PRKN: variants seen among roughly 807,000 people sequenced by gnomAD.
PRKN encodes parkin RBR E3 ubiquitin protein ligase, also known as E3 ubiquitin-protein ligase parkin.
In PRKN, 56 loss-of-function variants were observed where a neutral mutation model predicts 59.5. That is an observed-to-expected ratio of 0.94 (90% confidence interval 0.76 to 1.18). PRKN has a LOEUF of 1.18. PRKN is among the 50% of genes most tolerant of loss of function. PRKN has a pLI of 0.00. For synonymous variants in PRKN, 250 were observed against 222.1 expected, an observed-to-expected ratio of 1.13 and a Z score of -1.12; for missense variants, 657 against 596.4, an observed-to-expected ratio of 1.10 and a Z score of -1.06.
rs765640122 is a variant in PRKN, at chr6:162,201,194, C to T, written c.471G>A (p.Val157=). The change falls in exon 4 of 12, where the codon GTG becomes GTA. Residue 157 remains valine (V), a synonymous_variant. Coordinates refer to ENST00000366898, the MANE Select transcript of PRKN (RefSeq NM_004562.3). ...YVYCKGPCQR[V]QPGKLRVQCS... ...ACTGTACCCTGAGTTTTCCCGGCTG[C>T]ACTCTTTGACAGGGGCCTTTGCAAT... is the stretch of plus-strand genomic sequence containing the variant. 11 of 1,614,058 alleles carry T rather than the reference C, an allele frequency of 6.8e-6. No individual in the cohort carries two copies. Among genetic ancestry groups the T allele is most frequent in the Non-Finnish European group, 7.6e-6 (9 of 1,179,938 alleles).
At chr6:161,690,211 T>C (rs1318693374) in intron 7 of PRKN, among the ~76,000 whole-genome samples, 1 of 152,158 alleles carries the variant, frequency 6.6e-6, no homozygotes, top group African/African-American at 2.4e-5. Context: ...GACTTTTTAC[T>C]GTCTTGTCTT....
chr6:161,838,318 C>T (rs1792845166), intron 6 of PRKN, among the ~76,000 whole-genome samples: 1 of 152,138 alleles, frequency 6.6e-6, no homozygotes, highest in Non-Finnish European at 1.5e-5. Context: ...TCAGTGTTAC[C>T]CATAAATAAA....
chr6:162,206,139 T>G (rs1383298842), intron 3 of PRKN, among the ~76,000 whole-genome samples: 1 of 152,120 alleles, frequency 6.6e-6, no homozygotes, highest in African/African-American at 2.4e-5. Flanking sequence ...CATGTGCCCT[T>G]ATTTCCTACA....
In PRKN at chr6:162,159,775, G is replaced by A. The variant is rs373791813; in HGVS notation, c.534+41356C>T. Among the ~76,000 whole-genome samples, 8 of 152,188 alleles carry A rather than the reference G, an allele frequency of 5.3e-5. No homozygotes were observed. In the South Asian group the frequency reaches 1.4e-3, roughly 28 times the overall value. ...GACAGAGGAAGAGATCAATGGAACA[G>A]GACAAACAGTGCAGAAACAGACAAA... On this transcript the variant is annotated intron_variant, in intron 4 of 11. Transcript: ENST00000366898.
chr6:162,681,444 C>A (rs969623952), intron 1 of PRKN, among the ~76,000 whole-genome samples: 1 of 152,190 alleles, frequency 6.6e-6, no homozygotes, highest in Non-Finnish European at 1.5e-5. Flanking sequence ...GAAAGGAAAA[C>A]CCTAACTTTC....
chr6:161,915,936 A>G (rs1778539135), intron 6 of PRKN, among the ~76,000 whole-genome samples: 1 of 152,228 alleles, frequency 6.6e-6, no homozygotes, highest in Admixed American at 6.5e-5. Flanking sequence ...TGGAAGGATG[A>G]TCATGGCTGC....
rs73785414 is a variant in PRKN, at chr6:161,795,763, A to G, written c.735-9855T>C. Among the ~76,000 whole-genome samples the G allele has an allele frequency of 5.5e-3, 844 of 152,272 alleles. 7 individuals are homozygous for G. The highest frequency in any genetic ancestry group is 0.02 in the Middle Eastern group (6 of 294). On this transcript the variant is annotated intron_variant, in intron 6 of 11. Transcript: ENST00000366898. Reference sequence around the variant, plus strand: ...GTCCAATGTTGGTCAGGCACAGGATATTTCCTGAAAGAAGGAAAATACAAA... The same window carrying G: ...GTCCAATGTTGGTCAGGCACAGGATGTTTCCTGAAAGAAGGAAAATACAAA...
At position 162,412,912 on chromosome 6, in the gene PRKN, C is replaced by T. The variant is rs750233463; in HGVS notation, c.171+30398G>A. On this transcript the variant is annotated intron_variant, in intron 2 of 11. Transcript: ENST00000366898. ...AGAGCCAACTTGTTTTGCATTAAAA[C>T]ATTTTTTTAAACTTTCAAAACAATA... Among the ~76,000 whole-genome samples, 9 of 152,128 alleles carry T rather than the reference C, an allele frequency of 5.9e-5. 1 individual carries two copies. Among genetic ancestry groups the T allele is most frequent in the Non-Finnish European group, 1.2e-4 (8 of 68,008 alleles).
At chr6:162,658,576 G>C (rs200038366) in intron 1 of PRKN, among the ~76,000 whole-genome samples, 1 of 148,880 alleles carries the variant, frequency 6.7e-6, no homozygotes, top group Admixed American at 6.8e-5. Flanking sequence ...CAGAAGAATC[G>C]CTTGAACCCG....
At chr6:162,018,363 G>A (rs1727967526) in intron 5 of PRKN, among the ~76,000 whole-genome samples, 1 of 152,086 alleles carries the variant, frequency 6.6e-6, no homozygotes, top group South Asian at 2.1e-4. Flanking sequence ...AAAGTCTTGA[G>A]GCTCAATAGC....
intron 7 of PRKN, among the ~76,000 whole-genome samples, chr6:161,653,295 C>G (rs376576577): frequency 1.3e-5 from 2 of 152,106 alleles, no homozygotes; most frequent in Non-Finnish European, 2.9e-5. Flanking sequence ...ACCCAGGAGG[C>G]GGAGGTTGCA....
At chr6:162,091,621 T>C (rs1435063129) in intron 4 of PRKN, among the ~76,000 whole-genome samples, 1 of 152,244 alleles carries the variant, frequency 6.6e-6, no homozygotes, top group East Asian at 1.9e-4. Context: ...TCTGGTTTTC[T>C]AAAAGTATAC....
intron 2 of PRKN, among the ~76,000 whole-genome samples, chr6:162,436,491 T>C (rs148756745): frequency 1.3e-5 from 2 of 151,880 alleles, no homozygotes; most frequent in East Asian, 4.0e-4. Flanking sequence ...TTTGTATTTT[T>C]AGTAGAGACG....
intron 6 of PRKN, among the ~76,000 whole-genome samples, chr6:161,788,373 C>G (rs1273445391): frequency 6.6e-6 from 1 of 152,110 alleles, no homozygotes; most frequent in East Asian, 1.9e-4. Flanking sequence ...AGTCTTGGGG[C>G]CTGGAAGTGC....
rs1332620756 is a variant in PRKN at position 162,252,270 on chromosome 6, C to T, written c.412+10255G>A. On this transcript the variant is annotated intron_variant, in intron 3 of 11. Coordinates refer to ENST00000366898, the MANE Select transcript of PRKN (RefSeq NM_004562.3). ...AAACGATACATCACTGTATTGGGGG[C>T]AGGTGCAACATAAACCTCCCATGGA... is the stretch of plus-strand genomic sequence containing the variant. 7.2e-5 allele frequency among the ~76,000 whole-genome samples: 11 copies of T among 152,272 alleles called. No homozygotes were observed. The East Asian group carries it at 2.1e-3, about 29-fold the overall frequency.
intron 9 of PRKN, among the ~76,000 whole-genome samples, chr6:161,392,904 G>C (rs531543838): frequency 6.6e-6 from 1 of 151,930 alleles, no homozygotes; most frequent in Non-Finnish European, 1.5e-5. Flanking sequence ...TTTACTTTTA[G>C]GATGAGTAAA....
intron 1 of PRKN, among the ~76,000 whole-genome samples, chr6:162,539,956 T>A (rs1190649744): frequency 6.6e-6 from 1 of 152,198 alleles, no homozygotes; most frequent in Non-Finnish European, 1.5e-5. Context: ...GGAGTCTCCC[T>A]CTGTCGCCCA....
intron 6 of PRKN, among the ~76,000 whole-genome samples, chr6:161,952,232 A>G (rs1461338594): frequency 6.6e-6 from 1 of 152,212 alleles, no homozygotes; most frequent in African/African-American, 2.4e-5. Context: ...TTGTCATGAA[A>G]GATGAATGAT....
At chr6:161,563,460 G>A (rs1780528183) in intron 8 of PRKN, among the ~76,000 whole-genome samples, 1 of 152,062 alleles carries the variant, frequency 6.6e-6, no homozygotes, top group Non-Finnish European at 1.5e-5. Context: ...ATTTCTGAAG[G>A]GCTCACCTGG....
Sources: allele counts gnomAD v4.1 joint callset (sites outside exome capture counted in the v4.1 genomes callset), GRCh38; gene constraint gnomAD v4.1.1; transcripts MANE v1.5; gene names NCBI Gene and HGNC (gene_info 2026-07-23, HGNC 2026-07-21).